ATG7: variants seen among roughly 807,000 people sequenced by gnomAD.
The protein encoded by ATG7 is autophagy related 7.
ATG7 carries 70 observed loss-of-function variants against 82.4 expected under a neutral mutation model. The ratio of observed to expected loss-of-function variants is 0.85; its 90% CI spans 0.70 to 1.04. ATG7 has a LOEUF of 1.04. Ranked by LOEUF, ATG7 falls within the 50% of genes least tolerant of loss-of-function variation. The probability of loss-of-function intolerance (pLI) is 0.00; values close to 1 mark genes in which losing one functional copy is unlikely to be tolerated. For missense variants in ATG7, 792 were observed against 864.3 expected, an observed-to-expected ratio of 0.92 and a Z score of 1.05; for synonymous variants, 287 against 313.0, an observed-to-expected ratio of 0.92 and a Z score of 0.88.
chr3:11,486,335 G>A (rs1018361172), intron 20 of ATG7, among the ~76,000 whole-genome samples: 52 of 151,880 alleles, frequency 3.4e-4, no homozygotes, highest in Admixed American at 1.2e-3. Context: ...TGATTTGGCT[G>A]TTTGTCTGTT....
intron 20 of ATG7, among the ~76,000 whole-genome samples, chr3:11,439,135 C>G (rs899836591): frequency 1.5e-5 from 2 of 129,444 alleles, no homozygotes; most frequent in African/African-American, 6.0e-5. Context: ...GTGGCGTGAT[C>G]TTGGCTCACT....
At chr3:11,447,589 CTTTG>C (rs1469703009) in intron 20 of ATG7, among the ~76,000 whole-genome samples, 8 of 152,136 alleles carry the variant, frequency 5.3e-5, no homozygotes, top group African/African-American at 1.9e-4. Flanking sequence ...CAGCTCTGTT[CTTTG>C]TTGGCTTTAT....
intron 20 of ATG7, among the ~76,000 whole-genome samples, chr3:11,544,936 A>T (rs2071147628): frequency 6.6e-6 from 1 of 152,232 alleles, no homozygotes; most frequent in African/African-American, 2.4e-5. Flanking sequence ...ACAGACTACA[A>T]GGTGACAGCA....
At chr3:11,485,197 C>T (rs957498285) in intron 20 of ATG7, among the ~76,000 whole-genome samples, 6 of 152,194 alleles carry the variant, frequency 3.9e-5, no homozygotes, top group African/African-American at 1.4e-4. Context: ...ACATCCTCTC[C>T]AGCACCTGTT....
chr3:11,528,091 G>T (rs1410609268), intron 20 of ATG7, among the ~76,000 whole-genome samples: 4 of 152,048 alleles, frequency 2.6e-5, no homozygotes, highest in Admixed American at 1.3e-4. Flanking sequence ...CTCATGTTGG[G>T]GACCAACATG....
chr3:11,573,800 G>A, the ATG7 span, among the ~76,000 whole-genome samples: 2 of 152,212 alleles, frequency 1.3e-5, no homozygotes, highest in Non-Finnish European at 2.9e-5. Context: ...AAAAGACATT[G>A]AAGTCCTAAC....
chr3:11,281,456 T>G (rs1248548476), intron 2 of ATG7, among the ~76,000 whole-genome samples: 1 of 152,184 alleles, frequency 6.6e-6, no homozygotes, highest in Non-Finnish European at 1.5e-5. Context: ...CAGTGGTCTT[T>G]AGAACCCATC....
intron 20 of ATG7, among the ~76,000 whole-genome samples, chr3:11,430,813 G>C (rs2082804454): frequency 6.6e-6 from 1 of 152,126 alleles, no homozygotes; most frequent in Admixed American, 6.6e-5. Flanking sequence ...TCTGCCTAGG[G>C]GAATAGGATG....
chr3:11,484,558 T>C (rs1181216875), intron 20 of ATG7, among the ~76,000 whole-genome samples: 1 of 152,156 alleles, frequency 6.6e-6, no homozygotes, highest in Non-Finnish European at 1.5e-5. Flanking sequence ...TTTTATTTTA[T>C]TATTATTATA....
chr3:11,302,428 T>C (rs1368980761), intron 5 of ATG7, among the ~76,000 whole-genome samples: 1 of 152,208 alleles, frequency 6.6e-6, no homozygotes, highest in African/African-American at 2.4e-5. Context: ...TTGATTGCTG[T>C]ATATCTGCAT....
chr3:11,444,633 C>T (rs1044971799), intron 20 of ATG7, among the ~76,000 whole-genome samples: 1 of 152,138 alleles, frequency 6.6e-6, no homozygotes, highest in African/African-American at 2.4e-5. Flanking sequence ...TCCAGACATC[C>T]TGGCCCTTAC....
intron 20 of ATG7, among the ~76,000 whole-genome samples, chr3:11,549,829 G>C (rs1001680729): frequency 1.3e-5 from 2 of 152,234 alleles, no homozygotes; most frequent in Non-Finnish European, 2.9e-5. Flanking sequence ...GGTTTTGCCA[G>C]TTTCCATCCC....
At chr3:11,413,417 T>C (rs2081091042) in intron 19 of ATG7, among the ~76,000 whole-genome samples, 1 of 152,176 alleles carries the variant, frequency 6.6e-6, no homozygotes, top group East Asian at 1.9e-4. Flanking sequence ...ATCGAGATGA[T>C]TGTGTGGCTT....
chr3:11,346,381 G>A (rs1052920813), intron 13 of ATG7: 12 of 152,066 alleles, frequency 7.9e-5, no homozygotes, highest in African/African-American at 2.7e-4. Context: ...ATAGGATATG[G>A]GTATTCTTAA....
intron 3 of ATG7, among the ~76,000 whole-genome samples, chr3:11,297,769 T>C (rs905664710): frequency 2.0e-5 from 3 of 152,170 alleles, no homozygotes; most frequent in Admixed American, 2.0e-4. Flanking sequence ...AAAGCACTGC[T>C]CTCAGACAGA....
intron 20 of ATG7, among the ~76,000 whole-genome samples, chr3:11,507,153 G>A (rs1475424987): frequency 2.6e-5 from 4 of 151,984 alleles, no homozygotes; most frequent in East Asian, 1.9e-4. Context: ...GAGGTGGCAC[G>A]CACCTGTAGT....
the ATG7 span, chr3:11,568,939 C>A: frequency 8.1e-7 from 1 of 1,229,126 alleles, no homozygotes; most frequent in South Asian, 2.0e-5. The surrounding 1 kb of genome is among the most constrained non-coding windows in gnomAD (Gnocchi z 5.9). Context: ...CTGCCAGCTG[C>A]CCACGGAGAG....
chr3:11,276,272 A>G (rs1269838590), intron 1 of ATG7, among the ~76,000 whole-genome samples: 1 of 152,060 alleles, frequency 6.6e-6, no homozygotes. Flanking sequence ...TTTGCCTTTT[A>G]TTCTAATTCT....
At chr3:11,491,219 A>C (rs1263272830) in intron 20 of ATG7, among the ~76,000 whole-genome samples, 1 of 151,732 alleles carries the variant, frequency 6.6e-6, no homozygotes, top group Non-Finnish European at 1.5e-5. Context: ...CATTTCATTC[A>C]TTTCATCTTC....
Sources: allele counts gnomAD v4.1 joint callset (sites outside exome capture counted in the v4.1 genomes callset), GRCh38; gene constraint gnomAD v4.1.1; non-coding constraint Gnocchi (gnomAD v3.1); transcripts MANE v1.5; gene names NCBI Gene and HGNC (gene_info 2026-07-23, HGNC 2026-07-21).